NRXN1: variants seen among roughly 807,000 people sequenced by gnomAD.
NRXN1 encodes neurexin 1.
A neutral mutation model predicts 150.9 loss-of-function variants in NRXN1; 39 were observed. The observed-to-expected ratio is 0.26, with a 90% CI of 0.20 to 0.34. The LOEUF is 0.34. Ranked by LOEUF, NRXN1 falls within the 10% of genes least tolerant of loss-of-function variation. The pLI, the probability that NRXN1 is intolerant of heterozygous loss-of-function variation, is 1.00. For missense variants in NRXN1, 1,815 were observed against 1,949.9 expected (o/e 0.93, Z 1.30); for synonymous variants, 924 against 757.0 (o/e 1.22, Z -3.62).
chr2:50,232,031 G>T (rs936198618), intron 18 of NRXN1, among the ~76,000 whole-genome samples: 2 of 151,924 alleles, frequency 1.3e-5, no homozygotes, highest in African/African-American at 4.8e-5. Context: ...TCTATTATTT[G>T]TTAACTGTCC....
At chr2:50,752,383 T>C (rs1559211274) in intron 5 of NRXN1, among the ~76,000 whole-genome samples, 1 of 152,090 alleles carries the variant, frequency 6.6e-6, no homozygotes, top group South Asian at 2.1e-4. Context: ...TATAAACATG[T>C]GCTCATTGAG....
At chr2:50,918,461 C>T (rs537745352) in intron 5 of NRXN1, 18 of 337,374 alleles carry the variant, frequency 5.3e-5, no homozygotes, top group African/African-American at 3.6e-4. Flanking sequence ...TATGTAATTA[C>T]AATTATGATG....
chr2:50,890,142 T>C (rs971674129), intron 5 of NRXN1, among the ~76,000 whole-genome samples: 15 of 151,832 alleles, frequency 9.9e-5, no homozygotes, highest in African/African-American at 3.6e-4. Flanking sequence ...TAATGCTTCT[T>C]TGTATTTAAT....
intron 17 of NRXN1, among the ~76,000 whole-genome samples, chr2:50,253,051 T>G (rs1047455749): frequency 1.1e-4 from 17 of 152,194 alleles, no homozygotes; most frequent in African/African-American, 4.1e-4. Context: ...GAGCATGGAA[T>G]GCTTTTTCAT....
chr2:49,991,700 C>A (rs1408274192), intron 21 of NRXN1, among the ~76,000 whole-genome samples: 1 of 152,158 alleles, frequency 6.6e-6, no homozygotes, highest in Non-Finnish European at 1.5e-5. Context: ...CAATCCCAAT[C>A]AAAATCCTGG....
chr2:50,995,300 A>G (rs1474875594), intron 2 of NRXN1, among the ~76,000 whole-genome samples: 1 of 151,952 alleles, frequency 6.6e-6, no homozygotes, highest in Non-Finnish European at 1.5e-5. Context: ...GGCAGAGAAA[A>G]GACAGGAACT....
intron 17 of NRXN1, among the ~76,000 whole-genome samples, chr2:50,451,008 C>T (rs1263999352): frequency 6.6e-6 from 1 of 152,166 alleles, no homozygotes; most frequent in African/African-American, 2.4e-5. Flanking sequence ...GAGTCAAGGT[C>T]TCCCTCTGTT....
intron 18 of NRXN1, among the ~76,000 whole-genome samples, chr2:50,219,960 AT>A (rs1211539574): frequency 1.4e-5 from 1 of 73,312 alleles, no homozygotes; most frequent in Non-Finnish European, 2.3e-5. Context: ...TATAATATAT[AT>A]ATTATATATA....
chr2:50,645,478 G>A lies in NRXN1; in HGVS notation c.833-21863C>T, dbSNP rs192199128. Among the ~76,000 whole-genome samples the A allele has an allele frequency of 4.0e-3, 609 of 151,832 alleles. 1 individual carries two copies. Among genetic ancestry groups the A allele is most frequent in the Middle Eastern group, 0.021 (6 of 292 alleles). ...TACTCGTCATCACATAAACTATAAC[G>A]TATTTATTTATTTCTACATCTCCCA... is the stretch of plus-strand genomic sequence containing the variant. On this transcript the variant is annotated intron_variant, in intron 5 of 22. Coordinates refer to ENST00000401669, the MANE Select transcript of NRXN1 (RefSeq NM_001330078.2).
At chr2:50,677,617 G>A (rs1341882690) in intron 5 of NRXN1, among the ~76,000 whole-genome samples, 2 of 151,888 alleles carry the variant, frequency 1.3e-5, no homozygotes, top group African/African-American at 4.8e-5. Flanking sequence ...TACCTCAACT[G>A]GCTGAGAGAC....
intron 18 of NRXN1, among the ~76,000 whole-genome samples, chr2:50,157,610 A>G (rs2059103597): frequency 6.6e-6 from 1 of 152,012 alleles, no homozygotes; most frequent in South Asian, 2.1e-4. Flanking sequence ...AGGTACGAAC[A>G]TGACAGATTT....
intron 8 of NRXN1, among the ~76,000 whole-genome samples, chr2:50,576,905 C>A (rs1296163553): frequency 6.6e-6 from 1 of 152,006 alleles, no homozygotes; most frequent in Non-Finnish European, 1.5e-5. Context: ...TTCTTTGGGG[C>A]TTTAATTAGT....
chr2:50,497,698 A>T lies in NRXN1; in HGVS notation c.2514T>A (p.Asp838Glu). The T allele has an allele frequency of 1.9e-6, 3 of 1,609,808 alleles. No individual in the cohort carries two copies. The highest frequency in any genetic ancestry group is 1.7e-6 in the Non-Finnish European group (2 of 1,177,028). The change falls in exon 14 of 23, where the codon GAT (aspartate) becomes GAA (glutamate). Residue 838 changes from aspartate (D) to glutamate (E), a missense_variant. Asp to Glu is a conservative substitution (Grantham distance 45). Transcript: ENST00000401669. ...TGTTATGGAACTCCAGCCTAGTATG[A>T]TCACCTGCCATTTGACCTAAAAGAG... ...QQAMTGQMAG[D>E]HTRLEFHNIE...
intron 12 of NRXN1, among the ~76,000 whole-genome samples, chr2:50,520,457 T>A (rs2092755261): frequency 6.6e-6 from 1 of 151,678 alleles, no homozygotes; most frequent in Non-Finnish European, 1.5e-5. Flanking sequence ...TTATAGATGA[T>A]GAATAGAAAA....
At chr2:50,767,041 G>C (rs982227394) in intron 5 of NRXN1, among the ~76,000 whole-genome samples, 1 of 152,048 alleles carries the variant, frequency 6.6e-6, no homozygotes, top group Non-Finnish European at 1.5e-5. Context: ...TGACTAACTT[G>C]AGAATTTCGG....
rs1046243921 is a variant in NRXN1 at position 50,232,391 on chromosome 2, T to C, written c.3546+4398A>G. 6.3e-5 allele frequency among the ~76,000 whole-genome samples: 9 copies of C among 143,976 alleles called. No individual in the cohort carries two copies. The South Asian group carries it at 6.6e-4, about 11-fold the overall frequency. 94.5% of individuals were successfully genotyped at this position (143,976 alleles called of 152,430 possible). A position where few individuals can be genotyped will look rare whatever the true frequency, so the allele number is the denominator to read the frequency against. On this transcript the variant is annotated intron_variant, in intron 18 of 22. Transcript: ENST00000401669. ...TATTTTTCTTTCTTTTCTTTTCTTT[T>C]TTTTTTTTTTTTTTGAGACGGAGTG...
chr2:50,860,874 A>T (rs1249013987), intron 5 of NRXN1, among the ~76,000 whole-genome samples: 1 of 152,134 alleles, frequency 6.6e-6, no homozygotes, highest in Non-Finnish European at 1.5e-5. Flanking sequence ...TCAACATGAC[A>T]TACTTATAAA....
intron 18 of NRXN1, among the ~76,000 whole-genome samples, chr2:50,170,085 A>T (rs1476145078): frequency 6.6e-6 from 1 of 151,974 alleles, no homozygotes; most frequent in East Asian, 1.9e-4. Context: ...ATATAATAAA[A>T]GTTTATATAT....
At chr2:50,634,150 C>A (rs1381314273) in intron 5 of NRXN1, among the ~76,000 whole-genome samples, 1 of 152,138 alleles carries the variant, frequency 6.6e-6, no homozygotes, top group Non-Finnish European at 1.5e-5. Flanking sequence ...TTATTCGATG[C>A]ACAATGGGAA....
Sources: allele counts gnomAD v4.1 joint callset (sites outside exome capture counted in the v4.1 genomes callset), GRCh38; gene constraint gnomAD v4.1.1; transcripts MANE v1.5; gene names NCBI Gene and HGNC (gene_info 2026-07-23, HGNC 2026-07-21).